KCNIP1: variants seen among roughly 807,000 people sequenced by gnomAD.
The protein encoded by KCNIP1 is A-type potassium channel modulatory protein KCNIP1.
In KCNIP1, 18 loss-of-function variants were observed where a neutral mutation model predicts 33.0. That is an observed-to-expected ratio of 0.55 (90% CI 0.38 to 0.81). KCNIP1 has a LOEUF of 0.81. Ranked by LOEUF, KCNIP1 falls within the 30% of genes least tolerant of loss-of-function variation. The pLI is 0.00. For missense variants in KCNIP1, 238 were observed against 271.6 expected, an observed-to-expected ratio of 0.88 and a Z score of 0.87; for synonymous variants, 93 against 98.3, an observed-to-expected ratio of 0.95 and a Z score of 0.32.
chr5:170,683,038 T>C (rs567340162), intron 1 of KCNIP1, among the ~76,000 whole-genome samples: 4 of 152,292 alleles, frequency 2.6e-5, no homozygotes, highest in Admixed American at 6.5e-5. Flanking sequence ...CTTCTCATGA[T>C]TGCAGTTTTT....
At chr5:170,470,759 G>A (rs1756704699) in intron 1 of KCNIP1, among the ~76,000 whole-genome samples, 1 of 152,244 alleles carries the variant, frequency 6.6e-6, no homozygotes, top group Non-Finnish European at 1.5e-5. Flanking sequence ...GTTGTGATGG[G>A]TTAAGGAGGT....
chr5:170,384,434 A>C (rs1444812405), intron 1 of KCNIP1, among the ~76,000 whole-genome samples: 1 of 152,182 alleles, frequency 6.6e-6, no homozygotes, highest in Admixed American at 6.5e-5. Flanking sequence ...GATGGTGGGG[A>C]CAGTCTCTAG....
Position 170,517,236 on chromosome 5 carries a change from A to G in KCNIP1, c.61+12603A>G, listed in dbSNP as rs1031697984. Among the ~76,000 whole-genome samples, 5 of 152,222 alleles carry G rather than the reference A, an allele frequency of 3.3e-5. No homozygotes were observed. The East Asian group carries it at 9.7e-4, about 29-fold the overall frequency. ...TAGTGGTAGGACAGAGAGAGAGCAAAGGGGGGTGTGCTACATACTTTTAAA... is the reference window on the plus strand; with the variant it reads ...TAGTGGTAGGACAGAGAGAGAGCAAGGGGGGGTGTGCTACATACTTTTAAA... On this transcript the variant is annotated intron_variant, in intron 1 of 7. Transcript: ENST00000328939.
chr5:170,558,188 C>T (rs886346586), intron 1 of KCNIP1, among the ~76,000 whole-genome samples: 1 of 152,088 alleles, frequency 6.6e-6, no homozygotes, highest in Admixed American at 6.5e-5. Context: ...ATGTAAAGTG[C>T]CACCCACGAT....
intron 1 of KCNIP1, among the ~76,000 whole-genome samples, chr5:170,459,009 T>C (rs1756450915): frequency 6.6e-6 from 1 of 151,690 alleles, no homozygotes; most frequent in Admixed American, 6.6e-5. Context: ...GGTAAAGGGG[T>C]GGAAAAGACA....
At chr5:170,612,898 GTTCC>G (rs1759226421) in intron 1 of KCNIP1, among the ~76,000 whole-genome samples, 2 of 152,098 alleles carry the variant, frequency 1.3e-5, no homozygotes, top group Non-Finnish European at 2.9e-5. Flanking sequence ...GGGCCCGCTG[GTTCC>G]TTCCCCCAGG....
At chr5:170,475,868 C>A (rs1317044777) in intron 1 of KCNIP1, among the ~76,000 whole-genome samples, 2 of 152,150 alleles carry the variant, frequency 1.3e-5, no homozygotes, top group African/African-American at 4.8e-5. Flanking sequence ...CTGAATCATC[C>A]AATATTACCC....
At chr5:170,589,665 G>A (rs966756649) in intron 1 of KCNIP1, among the ~76,000 whole-genome samples, 3 of 152,134 alleles carry the variant, frequency 2.0e-5, no homozygotes, top group African/African-American at 4.8e-5. Flanking sequence ...GCACAGACTC[G>A]AATGAAAGGA....
At chr5:170,621,127 C>G (rs1196242784) in intron 1 of KCNIP1, among the ~76,000 whole-genome samples, 1 of 152,240 alleles carries the variant, frequency 6.6e-6, no homozygotes, top group Non-Finnish European at 1.5e-5. Flanking sequence ...CAAAGTCACA[C>G]TCTTTTCTCT....
chr5:170,443,296 G>A (rs1434791446), intron 1 of KCNIP1, among the ~76,000 whole-genome samples: 1 of 148,412 alleles, frequency 6.7e-6, no homozygotes, highest in African/African-American at 2.5e-5. Flanking sequence ...ACAAAAGCCT[G>A]CTATTTATTA....
At chr5:170,601,058 T>G (rs1427461047) in intron 1 of KCNIP1, among the ~76,000 whole-genome samples, 1 of 152,210 alleles carries the variant, frequency 6.6e-6, no homozygotes, top group African/African-American at 2.4e-5. Flanking sequence ...CTCTATAAAA[T>G]GGGCTTCATA....
intron 1 of KCNIP1, among the ~76,000 whole-genome samples, chr5:170,636,387 A>T (rs1468336595): frequency 6.6e-6 from 1 of 152,164 alleles, no homozygotes; most frequent in African/African-American, 2.4e-5. Flanking sequence ...GCGGGCCAAC[A>T]GCTCTGAAGG....
chr5:170,599,441 A>G (rs781038531), intron 1 of KCNIP1, among the ~76,000 whole-genome samples: 1 of 152,176 alleles, frequency 6.6e-6, no homozygotes, highest in African/African-American at 2.4e-5. Context: ...CAGGGCAACT[A>G]GTCTTACTCA....
intron 1 of KCNIP1, among the ~76,000 whole-genome samples, chr5:170,550,343 C>G (rs952263248): frequency 1.3e-5 from 2 of 152,166 alleles, no homozygotes; most frequent in African/African-American, 4.8e-5. Flanking sequence ...TGCAGAATCT[C>G]TTATTGATCT....
At chr5:170,530,490 T>C (rs1471040122) in intron 1 of KCNIP1, among the ~76,000 whole-genome samples, 2 of 152,198 alleles carry the variant, frequency 1.3e-5, no homozygotes, top group Non-Finnish European at 2.9e-5. Context: ...GATGGGGCCC[T>C]CTGGCCCCCT....
chr5:170,693,505 G>A (rs1762794677), intron 1 of KCNIP1, among the ~76,000 whole-genome samples: 1 of 152,156 alleles, frequency 6.6e-6, no homozygotes. Context: ...GGTGAAGAAC[G>A]TACAGAAGCT....
chr5:170,683,892 GTA>G (rs35890644), intron 1 of KCNIP1, among the ~76,000 whole-genome samples: 20,728 of 64,192 alleles, frequency 0.32, 1,836 homozygotes, highest in South Asian at 0.53. Flanking sequence ...CCCAGCTAGT[GTA>G]TGTGTGTGTG....
intron 3 of KCNIP1, 115 bp from the exon 4 acceptor site, chr5:170,721,718 C>G (rs1344847207): frequency 2.5e-6 from 4 of 1,612,022 alleles, no homozygotes; most frequent in Non-Finnish European, 3.4e-6. Context: ...TTTCTCCTTT[C>G]CATCACCCTA....
intron 1 of KCNIP1, among the ~76,000 whole-genome samples, chr5:170,521,161 G>C (rs1755350688): frequency 6.6e-6 from 1 of 152,172 alleles, no homozygotes; most frequent in African/African-American, 2.4e-5. Flanking sequence ...TGCCTGGCAT[G>C]TGCTATCCCT....
Sources: allele counts gnomAD v4.1 joint callset (sites outside exome capture counted in the v4.1 genomes callset), GRCh38; gene constraint gnomAD v4.1.1; transcripts MANE v1.5; gene names NCBI Gene and HGNC (gene_info 2026-07-23, HGNC 2026-07-21).